The following CSMD1 variants were observed in gnomAD, a reference collection of about 807,000 sequenced individuals.
CSMD1 encodes CUB and sushi domain-containing protein 1.
CSMD1 carries 213 observed loss-of-function variants against 417.5 expected under a neutral mutation model. The ratio of observed to expected loss-of-function variants is 0.51; its 90% CI spans 0.46 to 0.57. The LOEUF (loss-of-function observed/expected upper bound fraction) is 0.57, where lower values mean the gene tolerates loss of function less well. Among genes scored for constraint, CSMD1 ranks in the 20% least tolerant of loss-of-function variants. The pLI, the probability that CSMD1 is intolerant of heterozygous loss-of-function variation, is 0.00. For missense variants in CSMD1, 6,923 were observed against 4,529.7 expected (o/e 1.53, Z -15.17); for synonymous variants, 2,862 against 1,736.8 (o/e 1.65, Z -16.11).
intron 3 of CSMD1, among the ~76,000 whole-genome samples, chr8:4,128,921 C>T (rs902791587): frequency 6.6e-6 from 1 of 151,842 alleles, no homozygotes; most frequent in Non-Finnish European, 1.5e-5. Context: ...TTTAAGAATT[C>T]CTGTTTTAGC....
At chr8:3,137,241 G>C (rs1350777225) in intron 41 of CSMD1, among the ~76,000 whole-genome samples, 1 of 152,148 alleles carries the variant, frequency 6.6e-6, no homozygotes, top group Non-Finnish European at 1.5e-5. Flanking sequence ...AAAGAGTTTT[G>C]CTAGCAATAT....
chr8:3,747,628 G>C (rs1797125007), intron 6 of CSMD1, among the ~76,000 whole-genome samples: 1 of 151,950 alleles, frequency 6.6e-6, no homozygotes, highest in Admixed American at 6.6e-5. Context: ...CTCAGTGGTT[G>C]ACAATAGCGC....
At chr8:3,200,211 T>A (rs760039978) in intron 32 of CSMD1, among the ~76,000 whole-genome samples, 6 of 152,206 alleles carry the variant, frequency 3.9e-5, no homozygotes, top group Non-Finnish European at 5.9e-5. Flanking sequence ...TGATTTTTTT[T>A]AAATTAAAAG....
chr8:4,624,597 T>A (rs1182410484), intron 2 of CSMD1, among the ~76,000 whole-genome samples: 1 of 152,144 alleles, frequency 6.6e-6, no homozygotes, highest in East Asian at 1.9e-4. Context: ...CAATGGAAGA[T>A]CCACGACATT....
At chr8:4,276,988 A>G (rs1339585870) in intron 3 of CSMD1, among the ~76,000 whole-genome samples, 1 of 152,172 alleles carries the variant, frequency 6.6e-6, no homozygotes, top group Non-Finnish European at 1.5e-5. Context: ...TTTTAAAAAG[A>G]TAAACTCCAG....
intron 3 of CSMD1, among the ~76,000 whole-genome samples, chr8:4,242,703 G>A (rs1385801383): frequency 7.9e-6 from 1 of 127,304 alleles, no homozygotes; most frequent in Non-Finnish European, 1.8e-5. Flanking sequence ...TCTGCTGTGA[G>A]TGGAGCCCAC....
At chr8:4,332,554 C>CACACAG (rs1799927753) in intron 3 of CSMD1, among the ~76,000 whole-genome samples, 5 of 12,692 alleles carry the variant, frequency 3.9e-4, no homozygotes, top group African/African-American at 1.9e-3. Flanking sequence ...ATATCACATA[C>CACACAG]ACACACACAC....
rs972513655 is a variant in CSMD1, at chr8:4,520,914, G to A, written c.303-100849C>T. Reference sequence around the variant, plus strand: ...ATGTTGAAATATTTTGGACACATGGGTTAACATTATTAAAATTAGTCATAT... The same window carrying A: ...ATGTTGAAATATTTTGGACACATGGATTAACATTATTAAAATTAGTCATAT... On this transcript the variant is annotated intron_variant, in intron 2 of 69. Coordinates refer to ENST00000635120, the MANE Select transcript of CSMD1 (RefSeq NM_033225.6). 5.3e-5 allele frequency among the ~76,000 whole-genome samples: 8 copies of A among 152,186 alleles called. No homozygotes were observed. The East Asian group carries it at 1.5e-3, about 29-fold the overall frequency.
intron 3 of CSMD1, among the ~76,000 whole-genome samples, chr8:4,254,024 C>A (rs990063629): frequency 4.0e-5 from 6 of 148,384 alleles, no homozygotes; most frequent in African/African-American, 1.5e-4. Context: ...TCATGCCATT[C>A]TCCCGCCTCA....
At chr8:4,964,164 G>C (rs759295035) in intron 1 of CSMD1, among the ~76,000 whole-genome samples, 2 of 151,986 alleles carry the variant, frequency 1.3e-5, no homozygotes, top group Non-Finnish European at 2.9e-5. Flanking sequence ...CAGGACCAAG[G>C]AGGAGATAAG....
chr8:4,386,430 A>C (rs1303133974), intron 3 of CSMD1, among the ~76,000 whole-genome samples: 1 of 152,204 alleles, frequency 6.6e-6, no homozygotes, highest in Non-Finnish European at 1.5e-5. Flanking sequence ...CAAACAATAC[A>C]CACTATCAGA....
chr8:3,134,571 T>A (rs547466946), intron 41 of CSMD1, among the ~76,000 whole-genome samples: 13 of 152,222 alleles, frequency 8.5e-5, no homozygotes, highest in Admixed American at 6.5e-4. Context: ...GATGGTCGAG[T>A]GGTTTTGCAA....
chr8:3,110,083 A>G (rs1816403570), intron 43 of CSMD1, 75 bp downstream of exon 43: 5 of 1,217,640 alleles, frequency 4.1e-6, no homozygotes, highest in South Asian at 1.7e-5. Flanking sequence ...TGCCTTGTAT[A>G]TAAGTGGCAT....
intron 5 of CSMD1, among the ~76,000 whole-genome samples, chr8:3,826,974 G>C (rs12674745): frequency 0.32 from 49,277 of 151,738 alleles, 8,691 homozygotes; most frequent in East Asian, 0.59. Flanking sequence ...TAGAGACAGA[G>C]TGTTGCTATG....
chr8:3,482,969 G>T (rs1230523136), intron 11 of CSMD1, among the ~76,000 whole-genome samples: 2 of 152,096 alleles, frequency 1.3e-5, no homozygotes, highest in African/African-American at 4.8e-5. Flanking sequence ...TATGTGGGAA[G>T]CAGATAAAAC....
chr8:3,351,243 G>A (rs1012549800), intron 21 of CSMD1, among the ~76,000 whole-genome samples: 1 of 152,088 alleles, frequency 6.6e-6, no homozygotes, highest in African/African-American at 2.4e-5. Context: ...ATTACTCTAG[G>A]GTAGTGTGGC....
At position 3,368,455 on chromosome 8, in the gene CSMD1, G is replaced by A. The variant is rs114311669; in HGVS notation, c.2899+799C>T. Among the ~76,000 whole-genome samples the A allele has an allele frequency of 4.8e-3, 736 of 152,120 alleles. 9 individuals carry two copies. Among genetic ancestry groups the A allele is most frequent in the African/African-American group, 0.017 (704 of 41,474 alleles). ...GGGTTCAAGCCATTCCCCTGACTCT[G>A]CCCCCAGAGTAGCTGCGATTACAGG... On this transcript the variant is annotated intron_variant, in intron 19 of 69. Coordinates refer to ENST00000635120, the MANE Select transcript of CSMD1 (RefSeq NM_033225.6).
At chr8:4,604,029 G>A (rs1301449608) in intron 2 of CSMD1, among the ~76,000 whole-genome samples, 1 of 152,080 alleles carries the variant, frequency 6.6e-6, no homozygotes, top group African/African-American at 2.4e-5. Context: ...AAACTGGAAA[G>A]ATATGTATCA....
chr8:3,220,217 G>A (rs964745086), intron 28 of CSMD1, among the ~76,000 whole-genome samples: 4 of 151,078 alleles, frequency 2.6e-5, no homozygotes, highest in African/African-American at 7.3e-5. Context: ...ACAATGCCCA[G>A]AGTGTAACCT....
Sources: allele counts gnomAD v4.1 joint callset (sites outside exome capture counted in the v4.1 genomes callset), GRCh38; gene constraint gnomAD v4.1.1; transcripts MANE v1.5; gene names NCBI Gene and HGNC (gene_info 2026-07-23, HGNC 2026-07-21).